The following KDM4C variants were observed in gnomAD, a reference collection of about 807,000 sequenced individuals.
KDM4C encodes lysine demethylase 4C.
Under a neutral mutation model 129.3 loss-of-function variants are expected in KDM4C, and 81 were observed. The observed-to-expected ratio is 0.63, with a 90% CI of 0.52 to 0.75. The LOEUF (loss-of-function observed/expected upper bound fraction) is 0.75. Ranked by LOEUF, KDM4C falls within the 30% of genes least tolerant of loss-of-function variation. The probability of loss-of-function intolerance (pLI) is 0.00; values close to 1 mark genes in which losing one functional copy is unlikely to be tolerated. For missense variants in KDM4C, 1,457 were observed against 1,304.0 expected, an observed-to-expected ratio of 1.12 and a Z score of -1.81; for synonymous variants, 573 against 456.1, an observed-to-expected ratio of 1.26 and a Z score of -3.26.
chr9:7,011,941 CA>C lies in KDM4C; in HGVS notation c.1968+64del, dbSNP rs895320088. ...CTGCCTTCCATGTGACCACATACCA[CA>C]AGATCACTGTAAATTGTTGTGGGCT... On this transcript the variant is annotated intron_variant, in intron 13 of 21. Transcript: ENST00000381309. The C allele has an allele frequency of 5.1e-6, 7 of 1,367,068 alleles. No individual in the cohort carries two copies. The Admixed American group carries it at 1.3e-4, about 25-fold the overall frequency. The allele number at this position is 1,367,068 out of a possible 1,614,324, so 84.7% of individuals were successfully genotyped here.
At chr9:6,844,589 C>T (rs1344045896) in intron 4 of KDM4C, among the ~76,000 whole-genome samples, 1 of 152,206 alleles carries the variant, frequency 6.6e-6, no homozygotes. Flanking sequence ...ACACAGGTTT[C>T]CTTATGAGTG....
At chr9:6,776,797 G>T (rs1270886340) in intron 1 of KDM4C, among the ~76,000 whole-genome samples, 1 of 150,862 alleles carries the variant, frequency 6.6e-6, no homozygotes, top group Non-Finnish European at 1.5e-5. Context: ...TAGAGACAGG[G>T]TTTCACCATC....
intron 8 of KDM4C, among the ~76,000 whole-genome samples, chr9:6,975,547 G>A (rs927458693): frequency 9.9e-5 from 15 of 152,082 alleles, no homozygotes; most frequent in Admixed American, 6.6e-4. Context: ...AGTCCTCTGC[G>A]CCTGTCTCTG....
At chr9:6,902,827 T>C (rs1817635125) in intron 8 of KDM4C, 1 of 152,208 alleles carries the variant, frequency 6.6e-6, no homozygotes, top group East Asian at 1.9e-4. Flanking sequence ...TCAGGTGTAC[T>C]TTTTTGCTAA....
intron 12 of KDM4C, among the ~76,000 whole-genome samples, chr9:6,992,572 C>T (rs1386396152): frequency 2.0e-5 from 3 of 151,930 alleles, no homozygotes; most frequent in South Asian, 2.1e-4. Flanking sequence ...TTCTGTTGCC[C>T]GAAGTAAATT....
chr9:6,811,950 G>A (rs1038779086), intron 3 of KDM4C, among the ~76,000 whole-genome samples: 1 of 152,090 alleles, frequency 6.6e-6, no homozygotes, highest in Admixed American at 6.6e-5. Context: ...CAGTCCATTA[G>A]GAAGGACTCT....
At chr9:7,094,972 G>A (rs912452820) in intron 17 of KDM4C, among the ~76,000 whole-genome samples, 2 of 152,176 alleles carry the variant, frequency 1.3e-5, no homozygotes, top group Non-Finnish European at 2.9e-5. Context: ...CTACCCCAGC[G>A]TAGCAGCTTG....
intron 6 of KDM4C, among the ~76,000 whole-genome samples, chr9:6,886,823 T>C (rs1845360929): frequency 6.6e-6 from 1 of 152,042 alleles, no homozygotes; most frequent in Non-Finnish European, 1.5e-5. Context: ...GGTTTTGCTG[T>C]GTTAGGCTTG....
At chr9:6,812,301 G>A (rs2131115064) in intron 3 of KDM4C, among the ~76,000 whole-genome samples, 1 of 152,084 alleles carries the variant, frequency 6.6e-6, no homozygotes, top group East Asian at 1.9e-4. Context: ...TAGGTGTAAA[G>A]CAGATTAGGG....
At chr9:6,804,910 G>C (rs1203220895) in intron 2 of KDM4C, among the ~76,000 whole-genome samples, 1 of 151,110 alleles carries the variant, frequency 6.6e-6, no homozygotes, top group Non-Finnish European at 1.5e-5. Context: ...GTCTTTTTTT[G>C]TTTTTCCTGA....
intron 4 of KDM4C, among the ~76,000 whole-genome samples, chr9:6,821,938 C>T (rs1833102816): frequency 6.6e-6 from 1 of 152,078 alleles, no homozygotes; most frequent in African/African-American, 2.4e-5. Context: ...CCCGGCTGGC[C>T]CCTCTTTTAT....
rs369795659 is a variant in KDM4C at position 6,964,781 on chromosome 9, C to CAAAAAAAA, written c.922-16131_922-16124dup. Among the ~76,000 whole-genome samples, 3 of 53,850 alleles carry CAAAAAAAA rather than the reference C, an allele frequency of 5.6e-5. 1 individual carries two copies. The highest frequency in any genetic ancestry group is 1.1e-4 in the Non-Finnish European group (3 of 27,708). 35.3% of individuals were successfully genotyped at this position (53,850 alleles called of 152,430 possible). ...TGGGGGACAGAGTGAGACTCCGTCT[C>CAAAAAAAA]AAAAAAAAAAAAAAAAAAAACCACA... On this transcript the variant is annotated intron_variant, in intron 8 of 21. Transcript: ENST00000381309.
intron 1 of KDM4C, chr9:6,749,053 CTT>C (rs1421707666): frequency 3.6e-6 from 2 of 562,248 alleles, no homozygotes; most frequent in East Asian, 4.0e-5. Context: ...GAGTTTTGCT[CTT>C]GTTGCCCAGG....
intron 4 of KDM4C, among the ~76,000 whole-genome samples, chr9:6,829,605 G>A (rs1419547318): frequency 2.0e-5 from 3 of 152,220 alleles, no homozygotes; most frequent in Non-Finnish European, 4.4e-5. Flanking sequence ...CTCCTACTTA[G>A]TGGCAGAGCT....
intron 8 of KDM4C, among the ~76,000 whole-genome samples, chr9:6,901,501 T>G (rs1204438220): frequency 1.3e-5 from 2 of 152,202 alleles, no homozygotes; most frequent in Non-Finnish European, 2.9e-5. Flanking sequence ...TAGCTGTGCT[T>G]ACTTCAGACA....
intron 8 of KDM4C, among the ~76,000 whole-genome samples, chr9:6,923,973 C>T (rs1306255242): frequency 1.3e-5 from 2 of 152,164 alleles, no homozygotes; most frequent in African/African-American, 2.4e-5. Flanking sequence ...TTCTTTCCCT[C>T]CTCAGATATT....
intron 17 of KDM4C, among the ~76,000 whole-genome samples, chr9:7,074,083 G>A (rs1833578827): frequency 6.6e-6 from 1 of 152,158 alleles, no homozygotes; most frequent in Admixed American, 6.5e-5. Context: ...AAAGATTGTA[G>A]TGCATCTTAC....
chr9:6,913,753 A>G (rs1287645212), intron 8 of KDM4C, among the ~76,000 whole-genome samples: 1 of 152,370 alleles, frequency 6.6e-6, no homozygotes, highest in African/African-American at 2.4e-5. Flanking sequence ...CAGAATCACA[A>G]AATTCCCAGA....
At chr9:6,989,126 T>C (rs936995443) in intron 11 of KDM4C, among the ~76,000 whole-genome samples, 8 of 152,222 alleles carry the variant, frequency 5.3e-5, no homozygotes, top group Non-Finnish European at 1.0e-4. Context: ...CCCATATTGT[T>C]TTTTAGCTAT....
Sources: allele counts gnomAD v4.1 joint callset (sites outside exome capture counted in the v4.1 genomes callset), GRCh38; gene constraint gnomAD v4.1.1; transcripts MANE v1.5; gene names NCBI Gene and HGNC (gene_info 2026-07-23, HGNC 2026-07-21).